ATP8B2: variants seen among roughly 807,000 people sequenced by gnomAD.
The protein encoded by ATP8B2 is ATPase phospholipid transporting 8B2.
A neutral mutation model predicts 133.4 loss-of-function variants in ATP8B2; 70 were observed. That is an observed-to-expected ratio of 0.52 (90% CI 0.43 to 0.64). The LOEUF is 0.64. Among genes scored for constraint, ATP8B2 ranks in the 30% least tolerant of loss-of-function variants. The pLI, the probability that ATP8B2 is intolerant of heterozygous loss-of-function variation, is 0.00. For synonymous variants in ATP8B2, 517 were observed against 589.5 expected (o/e 0.88, Z 1.78); for missense variants, 1,101 against 1,535.7 (o/e 0.72, Z 4.73).
In ATP8B2 at chr1:154,343,611, C is replaced by G. The variant is rs948302625; in HGVS notation, c.1758+43C>G. ...AGGGGCCAGCCTGGGGGGTTCTACTCTTAGTGTGGGGGAGGCGACTTAAGT... is the reference window on the plus strand; with the variant it reads ...AGGGGCCAGCCTGGGGGGTTCTACTGTTAGTGTGGGGGAGGCGACTTAAGT... On this transcript the variant is annotated intron_variant, in intron 17 of 27. Coordinates refer to ENST00000368489, the MANE Select transcript of ATP8B2 (RefSeq NM_001370597.1). This position sits in a 1 kb window ranked among gnomAD's most constrained non-coding sequence, Gnocchi z 5.8. The G allele has an allele frequency of 2.5e-6, 4 of 1,573,554 alleles. No homozygotes were observed. The highest frequency in any genetic ancestry group is 1.7e-5 in the Admixed American group (1 of 59,582).
chr1:154,332,805 A>G (rs1018850086), intron 9 of ATP8B2, 108 bp downstream of exon 9: 2 of 825,420 alleles, frequency 2.4e-6, no homozygotes, highest in Non-Finnish European at 4.0e-6. Flanking sequence ...TTATTATGCA[A>G]CTCCCTGGAC....
Position 154,344,900 on chromosome 1 carries a change from G to T in ATP8B2, c.2287-71G>T. ...TTCAGAGAAGACTGGTCTCAAAGGG[G>T]ACTGGGAGGAGCTGAGACTCCCAGG... On this transcript the variant is annotated intron_variant, in intron 21 of 27. Transcript: ENST00000368489. The surrounding 1 kb of genome is among the most constrained non-coding windows in gnomAD (Gnocchi z 4.1). 1.3e-6 allele frequency: 2 copies of T among 1,557,958 alleles called. No homozygotes were observed. The highest frequency in any genetic ancestry group is 1.4e-5 in the African/African-American group (1 of 73,402).
chr1:154,332,675 C>T lies in ATP8B2; in HGVS notation c.567C>T (p.Ile189=). 6.3e-7 allele frequency: 1 copy of T among 1,582,006 alleles called. No homozygotes were observed. The highest frequency in any genetic ancestry group is 8.6e-7 in the Non-Finnish European group (1 of 1,162,560). ...AIPVTSELGD[I]SKLAKFDGEV... ...CAGTCACCTCAGAATTGGGAGACAT[C>T]AGTAAGCTTGCCAAGTTTGACGGTG... is the stretch of plus-strand genomic sequence containing the variant. Residue 189 remains isoleucine (I), a synonymous_variant, in exon 9 of 28, where the codon ATC becomes ATT. Transcript: ENST00000368489.
rs770396655 is a variant in ATP8B2, at chr1:154,344,689, C to A, written c.2190C>A (p.Gly730=). The A allele has an allele frequency of 2.5e-6, 4 of 1,612,362 alleles. No individual in the cohort carries two copies. Among genetic ancestry groups the A allele is most frequent in the Non-Finnish European group, 3.4e-6 (4 of 1,178,494 alleles). The stretch of plus-strand genomic sequence containing the variant: ...ACTCATCCCGCTCCGTAGGCAACGG[C>A]TTCACCTATCAGGACAAGCTTTCTT... ...MMDSSRSVGN[G]FTYQDKLSSS... The change falls in exon 21 of 28, where the codon GGC becomes GGA. Residue 730 remains glycine (G), a synonymous_variant. Transcript: ENST00000368489. The surrounding 1 kb of genome is among the most constrained non-coding windows in gnomAD (Gnocchi z 4.1).
rs1481147985 is a variant in ATP8B2, at chr1:154,345,884, G to C, written c.2778+1G>C. ...CCTGGCTATGGGGGTCTTTGATCAG[G>C]TATGGGGGAGTTTGATGATCAGATG... On this transcript the variant is annotated splice_donor_variant, in intron 24 of 27. Transcript: ENST00000368489. LOFTEE classifies it high-confidence loss of function. This position sits in a 1 kb window ranked among gnomAD's most constrained non-coding sequence, Gnocchi z 5.6. 6.2e-7 allele frequency: 1 copy of C among 1,604,974 alleles called. No individual in the cohort carries two copies.
At chr1:154,327,824 C>CT (rs1289981884) in intron 1 of ATP8B2, 3 of 1,613,888 alleles carry the variant, frequency 1.9e-6, no homozygotes, top group African/African-American at 1.3e-5. Flanking sequence ...AGCTGTTCCC[C>CT]TTTTTTCAAT....
At position 154,328,761 on chromosome 1, in the gene ATP8B2, G is replaced by A; in HGVS notation, c.31+589G>A. 1.0e-6 allele frequency: 1 copy of A among 995,936 alleles called. No individual in the cohort carries two copies. The highest frequency in any genetic ancestry group is 1.2e-6 in the Non-Finnish European group (1 of 837,314). 61.7% of individuals were successfully genotyped at this position (995,936 alleles called of 1,614,324 possible). ...GGCCACTCAGCGCACGCTGGCATCCGCCGGGGGGCATGGGGGGCGGCGGCG... is the reference window on the plus strand; with the variant it reads ...GGCCACTCAGCGCACGCTGGCATCCACCGGGGGGCATGGGGGGCGGCGGCG... On this transcript the variant is annotated intron_variant, in intron 2 of 27. Transcript: ENST00000368489. This position sits in a 1 kb window ranked among gnomAD's most constrained non-coding sequence, Gnocchi z 4.6.
At position 154,345,953 on chromosome 1, in the gene ATP8B2, G is replaced by T. The variant is rs1686567557; in HGVS notation, c.2778+70G>T. 1 of 1,391,746 alleles carries T rather than the reference G, an allele frequency of 7.2e-7. No individual in the cohort carries two copies. The highest frequency in any genetic ancestry group is 1.0e-6 in the Non-Finnish European group (1 of 982,604). The allele number at this position is 1,391,746 out of a possible 1,614,324, so 86.2% of individuals were successfully genotyped here. A position where few individuals can be genotyped will look rare whatever the true frequency, so the allele number is the denominator to read the frequency against. ...TGCTTGAAGGAGTCACATAGACGTGGTGTGTGACACTTGTGCCCATTTCCT... is the reference window on the plus strand; with the variant it reads ...TGCTTGAAGGAGTCACATAGACGTGTTGTGTGACACTTGTGCCCATTTCCT... On this transcript the variant is annotated intron_variant, in intron 24 of 27. Transcript: ENST00000368489. The surrounding 1 kb of genome is among the most constrained non-coding windows in gnomAD (Gnocchi z 5.6).
In ATP8B2 at chr1:154,329,167, G is replaced by A; in HGVS notation, c.31+995G>A. The A allele has an allele frequency of 2.7e-6, 3 of 1,126,150 alleles. 1 individual carries two copies. The highest frequency in any genetic ancestry group is 1.5e-4 in the East Asian group (2 of 13,566). The allele number at this position is 1,126,150 out of a possible 1,614,324, so 69.8% of individuals were successfully genotyped here. ...ACTTGTCCCCAGCCTCCCCCTACCTGCCTTGATCCTCTTTCCAGACCCAGA... is the reference window on the plus strand; with the variant it reads ...ACTTGTCCCCAGCCTCCCCCTACCTACCTTGATCCTCTTTCCAGACCCAGA... On this transcript the variant is annotated intron_variant, in intron 2 of 27. Transcript: ENST00000368489.
At position 154,328,806 on chromosome 1, in the gene ATP8B2, G is replaced by T. The variant is rs946447456; in HGVS notation, c.31+634G>T. 4 of 1,024,558 alleles carry T rather than the reference G, an allele frequency of 3.9e-6. No homozygotes were observed. The highest frequency in any genetic ancestry group is 6.1e-5 in the Admixed American group (1 of 16,444). The allele number at this position is 1,024,558 out of a possible 1,614,324, so 63.5% of individuals were successfully genotyped here. A position where few individuals can be genotyped will look rare whatever the true frequency, so the allele number is the denominator to read the frequency against. On this transcript the variant is annotated intron_variant, in intron 2 of 27. Coordinates refer to ENST00000368489, the MANE Select transcript of ATP8B2 (RefSeq NM_001370597.1). This position sits in a 1 kb window ranked among gnomAD's most constrained non-coding sequence, Gnocchi z 4.6. ...GCGGCGGCGGCGCAGCTGAGCTCGC[G>T]GTGTCCCCGAGCGCCGGCGGCCGGG... is the stretch of plus-strand genomic sequence containing the variant.
Position 154,346,258 on chromosome 1 carries a change from T to C in ATP8B2, c.2806T>C (p.Tyr936His), listed in dbSNP as rs1465621641. 6.2e-7 allele frequency: 1 copy of C among 1,613,842 alleles called. No homozygotes were observed. The highest frequency in any genetic ancestry group is 1.7e-5 in the Admixed American group (1 of 60,002). ...TGTCCCCGAGCAGCGGAGCATGGAG[T>C]ACCCTAAGCTGTATGAGCCGGGCCA... ...QDVPEQRSMEYPKLYEPGQLN... is the reference protein window; with the variant it reads ...QDVPEQRSMEHPKLYEPGQLN... Residue 936 changes from tyrosine (Y) to histidine (H), a missense_variant, in exon 25 of 28, where the codon TAC becomes CAC. By Grantham distance (83) the Tyr-to-His change is moderately conservative. Coordinates refer to ENST00000368489, the MANE Select transcript of ATP8B2 (RefSeq NM_001370597.1). This position sits in a 1 kb window ranked among gnomAD's most constrained non-coding sequence, Gnocchi z 4.5.
At position 154,349,245 on chromosome 1, in the gene ATP8B2, T is replaced by A; in HGVS notation, c.*127T>A. ...CCCGTCCCCCCGGTAGACTCTGTCC[T>A]GCTGGTCCCACCACACATGGCTGGG... is the stretch of plus-strand genomic sequence containing the variant. On this transcript the variant is annotated 3_prime_UTR_variant, in exon 28 of 28. Coordinates refer to ENST00000368489, the MANE Select transcript of ATP8B2 (RefSeq NM_001370597.1). 1 of 1,247,490 alleles carries A rather than the reference T, an allele frequency of 8.0e-7. No homozygotes were observed. Among genetic ancestry groups the A allele is most frequent in the Non-Finnish European group, 1.1e-6 (1 of 907,304 alleles). The allele number at this position is 1,247,490 out of a possible 1,614,324, so 77.3% of individuals were successfully genotyped here.
rs144206678 is a variant in ATP8B2, at chr1:154,347,533, T to C, written c.3163+775T>C. On this transcript the variant is annotated intron_variant, in intron 26 of 27. Transcript: ENST00000368489. ...TCTTACAGTTTCGTGGATAATAAAG[T>C]GTAGGGGGCAAGGGTGGAAATGGGA... 7.0e-3 allele frequency among the ~76,000 whole-genome samples: 1,065 copies of C among 152,022 alleles called. 8 individuals are homozygous for C. Among genetic ancestry groups the C allele is most frequent in the Admixed American group, 0.013 (192 of 15,266 alleles).
rs1686772813 is a variant in ATP8B2 at position 154,351,065 on chromosome 1, G to A, written c.*1947G>A. ...GAGAGTCTGATTTTTATACCAAAGA[G>A]GAAATGATTTTTTTTCATATTTTGT... On this transcript the variant is annotated 3_prime_UTR_variant, in exon 28 of 28. Coordinates refer to ENST00000368489, the MANE Select transcript of ATP8B2 (RefSeq NM_001370597.1). 8.2e-6 allele frequency: 1 copy of A among 122,342 alleles called. No individual in the cohort carries two copies. Among genetic ancestry groups the A allele is most frequent in the Non-Finnish European group, 1.9e-5 (1 of 52,800 alleles). The allele number at this position is 122,342 out of a possible 1,614,324, so 7.6% of individuals were successfully genotyped here.
At position 154,344,884 on chromosome 1, in the gene ATP8B2, G is replaced by T. The variant is rs559147328; in HGVS notation, c.2287-87G>T. The stretch of plus-strand genomic sequence containing the variant: ...TCTAATTTCCCCTGATTTCAGAGAA[G>T]ACTGGTCTCAAAGGGGACTGGGAGG... On this transcript the variant is annotated intron_variant, in intron 21 of 27. Transcript: ENST00000368489. The surrounding 1 kb of genome is among the most constrained non-coding windows in gnomAD (Gnocchi z 4.1). The T allele has an allele frequency of 3.9e-6, 6 of 1,545,070 alleles. No homozygotes were observed. Among genetic ancestry groups the T allele is most frequent in the African/African-American group, 1.4e-5 (1 of 72,866 alleles).
At position 154,343,669 on chromosome 1, in the gene ATP8B2, G is replaced by T; in HGVS notation, c.1758+101G>T. The T allele has an allele frequency of 1.7e-6, 2 of 1,180,904 alleles. No individual in the cohort carries two copies. The highest frequency in any genetic ancestry group is 2.6e-5 in the South Asian group (2 of 77,468). 73.2% of individuals were successfully genotyped at this position (1,180,904 alleles called of 1,614,324 possible). A position where few individuals can be genotyped will look rare whatever the true frequency, so the allele number is the denominator to read the frequency against. ...ATTGTGTAAATTTAAGGTCTACAAC[G>T]TGATGTTTTGATGTGTATATATAGT... On this transcript the variant is annotated intron_variant, in intron 17 of 27. Transcript: ENST00000368489. This position sits in a 1 kb window ranked among gnomAD's most constrained non-coding sequence, Gnocchi z 5.8.
chr1:154,329,880 G>C (rs76543826), intron 2 of ATP8B2, among the ~76,000 whole-genome samples: 2,399 of 152,216 alleles, frequency 0.016, 81 homozygotes, highest in African/African-American at 0.055. Context: ...TGCACATGGG[G>C]CTGGGATGCT....
chr1:154,343,204 CAA>C lies in ATP8B2; in HGVS notation c.1548_1549del (p.Lys516AsnfsTer6). The C allele has an allele frequency of 6.2e-7, 1 of 1,614,108 alleles. No individual in the cohort carries two copies. The highest frequency in any genetic ancestry group is 8.5e-7 in the Non-Finnish European group (1 of 1,180,032). ...GTTTTGTTTTCCGCTCTCGCACCCC[CAA>C]AACAATCACCGTCCATGAGATGGGC... is the stretch of plus-strand genomic sequence containing the variant. ...FGFVFRSRTPKTITVHEMGTA... is the reference protein window; with the variant it reads ...FGFVFRSRTPXTITVHEMGTA... On this transcript the variant is annotated frameshift_variant, in exon 16 of 28. Coordinates refer to ENST00000368489, the MANE Select transcript of ATP8B2 (RefSeq NM_001370597.1). LOFTEE classifies it high-confidence loss of function. The surrounding 1 kb of genome is among the most constrained non-coding windows in gnomAD (Gnocchi z 5.8).
At position 154,343,270 on chromosome 1, in the gene ATP8B2, C is replaced by A. The variant is rs201235004; in HGVS notation, c.1611C>A (p.Phe537Leu). 2 of 1,614,046 alleles carry A rather than the reference C, an allele frequency of 1.2e-6. No individual in the cohort carries two copies. The highest frequency in any genetic ancestry group is 1.7e-6 in the Non-Finnish European group (2 of 1,180,000). ...ACCAGCTGCTGGCCATCCTGGACTT[C>A]AACAACATCCGCAAGCGGATGTCGG... Reference protein sequence around the residue: ...ITYQLLAILDFNNIRKRMSVI... With the variant: ...ITYQLLAILDLNNIRKRMSVI... Residue 537 changes from phenylalanine to leucine, a missense_variant, in exon 16 of 28, where the codon TTC (phenylalanine) becomes TTA (leucine). Transcript: ENST00000368489. This position sits in a 1 kb window ranked among gnomAD's most constrained non-coding sequence, Gnocchi z 5.8.
Sources: gnomAD v4.1 joint callset for allele counts (sites outside exome capture counted in the v4.1 genomes callset) on GRCh38, gnomAD v4.1.1 for gene constraint, Gnocchi (gnomAD v3.1) non-coding constraint, MANE v1.5 for transcripts, NCBI Gene and HGNC (gene_info 2026-07-23, HGNC 2026-07-21) for gene names.